Variants in AAMDC observed in about 807,000 individuals in gnomAD.
AAMDC encodes the protein mth938 domain-containing protein.
A neutral mutation model predicts 15.5 loss-of-function variants in AAMDC; 16 were observed. The ratio of observed to expected loss-of-function variants is 1.03; its 90% CI spans 0.70 to 1.57. AAMDC has a LOEUF of 1.57. AAMDC is among the 40% of genes most tolerant of loss of function. AAMDC has a pLI of 0.00. For missense variants in AAMDC, 141 were observed against 144.9 expected, an observed-to-expected ratio of 0.97 and a Z score of 0.14; for synonymous variants, 51 against 51.6, an observed-to-expected ratio of 0.99 and a Z score of 0.05.
intron 1 of AAMDC, among the ~76,000 whole-genome samples, chr11:77,823,214 CA>C (rs746182266): frequency 2.2e-5 from 2 of 92,734 alleles, no homozygotes; most frequent in African/African-American, 4.5e-5. Context: ...GACTCCGTCT[CA>C]AAAAAAAAAA....
At chr11:77,843,068 T>C (rs1040579643) in intron 2 of AAMDC, among the ~76,000 whole-genome samples, 1 of 152,202 alleles carries the variant, frequency 6.6e-6, no homozygotes. Flanking sequence ...GGTTATATAG[T>C]GTTTAACCTT....
chr11:77,835,751 TCTACCA>T (rs1949654165), intron 1 of AAMDC, among the ~76,000 whole-genome samples: 1 of 151,628 alleles, frequency 6.6e-6, no homozygotes, highest in Non-Finnish European at 1.5e-5. Flanking sequence ...AAACCCTGTC[TCTACCA>T]AAATATACAA....
intron 2 of AAMDC, among the ~76,000 whole-genome samples, chr11:77,856,605 A>G (rs558502067): frequency 6.6e-6 from 1 of 152,332 alleles, no homozygotes; most frequent in East Asian, 1.9e-4. Flanking sequence ...CAGGAAGCAT[A>G]GCTGGGGAGC....
chr11:77,872,458 C>T, downstream of AAMDC: 1 of 961,066 alleles, frequency 1.0e-6, no homozygotes, highest in Non-Finnish European at 1.5e-6. Flanking sequence ...GCAGGGATGA[C>T]CAAGACAAGG....
downstream of AAMDC, among the ~76,000 whole-genome samples, chr11:77,904,688 G>GT (rs1350708406): frequency 6.6e-6 from 1 of 152,170 alleles, no homozygotes; most frequent in Non-Finnish European, 1.5e-5. Flanking sequence ...TTGTATGCAT[G>GT]TTTTTTGACA....
At chr11:77,901,585 A>T, downstream of AAMDC, 1 of 1,513,680 alleles carries the variant, frequency 6.6e-7, no homozygotes, top group Non-Finnish European at 9.2e-7. Context: ...ATCAATAAAA[A>T]TATCATAGTC....
intron 5 of AAMDC, among the ~76,000 whole-genome samples, chr11:77,897,521 G>C (rs1354336127): frequency 1.3e-5 from 2 of 149,424 alleles, no homozygotes; most frequent in East Asian, 3.9e-4. Flanking sequence ...TTTTTTTTGA[G>C]ACAGAGTCTC....
intron 5 of AAMDC, among the ~76,000 whole-genome samples, chr11:77,878,252 C>T (rs989707211): frequency 4.6e-5 from 7 of 151,984 alleles, no homozygotes; most frequent in South Asian, 2.1e-4. Flanking sequence ...GTCCCACCTA[C>T]TCAGGAGGCT....
chr11:77,852,318 T>C (rs1264628043), intron 2 of AAMDC, among the ~76,000 whole-genome samples: 1 of 152,098 alleles, frequency 6.6e-6, no homozygotes, highest in East Asian at 1.9e-4. Context: ...GTTGTCAATT[T>C]GACATACGGA....
At chr11:77,822,964 C>T (rs1025213073) in intron 1 of AAMDC, among the ~76,000 whole-genome samples, 2 of 152,010 alleles carry the variant, frequency 1.3e-5, no homozygotes, top group African/African-American at 4.8e-5. Context: ...GCCTGTAATC[C>T]CAGCACTTTG....
chr11:77,891,873 C>G (rs1952284935), intron 5 of AAMDC: 1 of 1,610,016 alleles, frequency 6.2e-7, no homozygotes, highest in African/African-American at 1.3e-5. Flanking sequence ...CTGACTCATT[C>G]AACTGTGCAC....
At chr11:77,880,760 C>CTA (rs930182047) in intron 5 of AAMDC, among the ~76,000 whole-genome samples, 3 of 152,146 alleles carry the variant, frequency 2.0e-5, no homozygotes, top group East Asian at 3.8e-4. Context: ...GTGTTTGAGA[C>CTA]TAGCCTGGGC....
chr11:77,902,301 G>A (rs1738502609), downstream of AAMDC, among the ~76,000 whole-genome samples: 1 of 152,124 alleles, frequency 6.6e-6, no homozygotes, highest in Non-Finnish European at 1.5e-5. Flanking sequence ...GTTTATCACA[G>A]TATCTGGTAT....
chr11:77,838,691 A>T (rs1949800102), intron 1 of AAMDC, among the ~76,000 whole-genome samples: 1 of 142,980 alleles, frequency 7.0e-6, no homozygotes, highest in Non-Finnish European at 1.5e-5. Context: ...ATCTGGGCTC[A>T]CTGTAAGCTC....
intron 5 of AAMDC, among the ~76,000 whole-genome samples, chr11:77,883,081 T>TAATAAC (rs961253647): frequency 6.6e-6 from 1 of 151,048 alleles, no homozygotes; most frequent in Non-Finnish European, 1.5e-5. Context: ...CTCAAAATAA[T>TAATAAC]AATAATAATA....
At chr11:77,835,318 G>A (rs1248618931) in intron 1 of AAMDC, among the ~76,000 whole-genome samples, 1 of 152,148 alleles carries the variant, frequency 6.6e-6, no homozygotes, top group Non-Finnish European at 1.5e-5. Flanking sequence ...AACTATGAGA[G>A]TGAAGTCCTC....
At chr11:77,838,741 C>T (rs993490239) in intron 1 of AAMDC, among the ~76,000 whole-genome samples, 15 of 151,394 alleles carry the variant, frequency 9.9e-5, no homozygotes, top group African/African-American at 3.4e-4. Flanking sequence ...CTCAGCCTCT[C>T]GAGTAGCTGA....
intron 2 of AAMDC, among the ~76,000 whole-genome samples, chr11:77,852,160 G>C (rs1950411040): frequency 7.0e-6 from 1 of 142,714 alleles, no homozygotes; most frequent in Admixed American, 7.4e-5. Context: ...GATCACTTGT[G>C]CCCAGGAGGT....
At chr11:77,885,991 A>T (rs1044384079) in intron 5 of AAMDC, among the ~76,000 whole-genome samples, 8 of 152,222 alleles carry the variant, frequency 5.3e-5, no homozygotes, top group African/African-American at 1.7e-4. Context: ...GCTTGAAGAC[A>T]GGAGTTTAAG....
Sources: gnomAD v4.1 joint callset for allele counts (sites outside exome capture counted in the v4.1 genomes callset) on GRCh38, gnomAD v4.1.1 for gene constraint, MANE v1.5 for transcripts, NCBI Gene and HGNC (gene_info 2026-07-23, HGNC 2026-07-21) for gene names.